TAGAP: variants seen among roughly 807,000 people sequenced by gnomAD.
The protein encoded by TAGAP is T-cell activation Rho GTPase-activating protein.
In TAGAP, 16 loss-of-function variants were observed where a neutral mutation model predicts 36.0. That is an observed-to-expected ratio of 0.44 (90% CI 0.30 to 0.68). The LOEUF is 0.68. Ranked by LOEUF, TAGAP falls within the 30% of genes least tolerant of loss-of-function variation. TAGAP has a pLI of 0.09. For synonymous variants in TAGAP, 372 were observed against 377.4 expected (o/e 0.99, Z 0.17); for missense variants, 794 against 921.5 (o/e 0.86, Z 1.79).
rs772988927 is a variant in TAGAP at position 159,039,069 on chromosome 6, G to C, written c.783+45C>G. 5.0e-6 allele frequency: 8 copies of C among 1,611,166 alleles called. No homozygotes were observed. In the African/African-American group the frequency reaches 8.0e-5, roughly 16 times the overall value. On this transcript the variant is annotated intron_variant, in intron 8 of 9. Coordinates refer to ENST00000367066, the MANE Select transcript of TAGAP (RefSeq NM_054114.5). ...ATTGCCTGGACTTGGCAAACAGATG[G>C]TGAGATCATAAGTTGGGGATTTCTC...
At chr6:159,043,769 G>T in intron 3 of TAGAP, 114 bp from the exon 4 acceptor site, 1 of 1,142,702 alleles carries the variant, frequency 8.8e-7, no homozygotes, top group Non-Finnish European at 1.3e-6. Flanking sequence ...TCAGTAGAGT[G>T]CATTGATGTT....
chr6:159,039,693 T>C (rs996374522), intron 7 of TAGAP, among the ~76,000 whole-genome samples: 2 of 152,244 alleles, frequency 1.3e-5, no homozygotes, highest in African/African-American at 4.8e-5. Context: ...ACGACTAGAC[T>C]GGTTTTCTTG....
Position 159,036,877 on chromosome 6 carries a change from T to C in TAGAP, c.1146A>G (p.Pro382=), listed in dbSNP as rs757605752. The change falls in exon 10 of 10, where the codon CCA becomes CCG. Residue 382 remains proline (P), a synonymous_variant. Transcript: ENST00000367066. This position sits in a 1 kb window ranked among gnomAD's most constrained non-coding sequence, Gnocchi z 4.9. ...GGCTCTCGAGGCACTCCTGGGAGGA[T>C]GGCATGCTGGGCTCTGAGTATCTCC... ...PDRRYSEPSM[P]SSQECLESRV... is the part of the protein sequence containing the mutation. 7 of 1,614,200 alleles carry C rather than the reference T, an allele frequency of 4.3e-6. No homozygotes were observed. Among genetic ancestry groups the C allele is most frequent in the Non-Finnish European group, 5.9e-6 (7 of 1,180,024 alleles).
At position 159,036,906 on chromosome 6, in the gene TAGAP, C is replaced by T. The variant is rs747602006; in HGVS notation, c.1117G>A (p.Asp373Asn). 8.7e-6 allele frequency: 14 copies of T among 1,614,022 alleles called. No individual in the cohort carries two copies. The highest frequency in any genetic ancestry group is 1.3e-5 in the African/African-American group (1 of 74,912). ...ATGCTGGGCTCTGAGTATCTCCTAT[C>T]GGGCTGTGCGAGGGAGCTTTTCAGC... ...ARLKSSLAQP[D>N]RRYSEPSMPS... The change falls in exon 10 of 10, where the codon GAT (aspartate) becomes AAT (asparagine). Residue 373 changes from aspartate to asparagine, a missense_variant. By Grantham distance (23) the Asp-to-Asn change is conservative (BLOSUM62 1). Coordinates refer to ENST00000367066, the MANE Select transcript of TAGAP (RefSeq NM_054114.5). This position sits in a 1 kb window ranked among gnomAD's most constrained non-coding sequence, Gnocchi z 4.9.
rs748068691 is a variant in TAGAP, at chr6:159,041,387, C to T, written c.444G>A (p.Arg148=). 6.2e-7 allele frequency: 1 copy of T among 1,614,068 alleles called. No individual in the cohort carries two copies. Residue 148 remains arginine (R), a synonymous_variant, in exon 6 of 10, where the codon AGG becomes AGA. Transcript: ENST00000367066. The surrounding 1 kb of genome is among the most constrained non-coding windows in gnomAD (Gnocchi z 4.1). ...LNSGDAVDLE[R]LPVHLLAVVF... ...CCACAGCGAGGAGGTGCACGGGGAG[C>T]CTCTCCAGATCCACCGCATCCCCAG...
intron 8 of TAGAP, among the ~76,000 whole-genome samples, chr6:159,038,641 C>T (rs1026489430): frequency 3.9e-5 from 6 of 152,056 alleles, no homozygotes; most frequent in African/African-American, 9.7e-5. Flanking sequence ...TCGCCTGCCT[C>T]GGCCTCCCAA....
Position 159,039,242 on chromosome 6 carries a change from T to G in TAGAP, c.655A>C (p.Ile219Leu). 1.2e-6 allele frequency: 2 copies of G among 1,614,152 alleles called. No individual in the cohort carries two copies. The highest frequency in any genetic ancestry group is 1.7e-6 in the Non-Finnish European group (2 of 1,180,016). Reference protein sequence around the residue: ...LKHLVYVLHLISKNSEVNRMD... With the variant: ...LKHLVYVLHLLSKNSEVNRMD... ...CTGTTCACCTCAGAGTTCTTGCTGA[T>G]GAGGTGCAGCACATAGACCAAGTGC... The change falls in exon 8 of 10, where the codon ATC (isoleucine) becomes CTC (leucine). Residue 219 changes from isoleucine to leucine, a missense_variant. Physicochemically the swap from Ile to Leu is conservative, Grantham distance 5 (BLOSUM62 2). Transcript: ENST00000367066.
chr6:159,041,455 C>T lies in TAGAP; in HGVS notation c.376G>A (p.Ala126Thr), dbSNP rs780953963. The T allele has an allele frequency of 6.2e-7, 1 of 1,614,210 alleles. No homozygotes were observed. Among genetic ancestry groups the T allele is most frequent in the Non-Finnish European group, 8.5e-7 (1 of 1,180,034 alleles). The change falls in exon 6 of 10, where the codon GCC becomes ACC. Residue 126 changes from alanine to threonine, a missense_variant. By Grantham distance (58) the Ala-to-Thr change is moderately conservative. Coordinates refer to ENST00000367066, the MANE Select transcript of TAGAP (RefSeq NM_054114.5). The surrounding 1 kb of genome is among the most constrained non-coding windows in gnomAD (Gnocchi z 4.1). The part of the protein sequence containing the change: ...PSTEGIFRRA[A>T]NEKARKELKE... ...AGCTCCTTACGGGCTTTCTCGTTGG[C>T]TGCTCTCCTGAATATCCCTTCCGTT...
chr6:159,038,014 A>T, intron 9 of TAGAP, 100 bp downstream of exon 9: 1 of 752,544 alleles, frequency 1.3e-6, no homozygotes, highest in Non-Finnish European at 2.3e-6. Context: ...TGATTTGTGA[A>T]GGTAACTTCT....
chr6:159,038,265 CTT>C (rs559846736), intron 8 of TAGAP, 37 bp from the exon 9 acceptor site: 25,262 of 451,068 alleles, frequency 0.056, no homozygotes, highest in Middle Eastern at 0.067. Flanking sequence ...AGCTTGAAGA[CTT>C]TTTTTTTTTT....
chr6:159,035,759 C>A lies in TAGAP; in HGVS notation c.*68G>T. 6.8e-7 allele frequency: 1 copy of A among 1,472,866 alleles called. No homozygotes were observed. The highest frequency in any genetic ancestry group is 9.1e-7 in the Non-Finnish European group (1 of 1,097,766). The allele number at this position is 1,472,866 out of a possible 1,614,324, so 91.2% of individuals were successfully genotyped here. A position where few individuals can be genotyped will look rare whatever the true frequency, so the allele number is the denominator to read the frequency against. On this transcript the variant is annotated 3_prime_UTR_variant, in exon 10 of 10. Transcript: ENST00000367066. ...TTCAAGACCTTTTAAAAACAATCTA[C>A]AGGCAGTTCTTTACAAGTCTCATAT... is the stretch of plus-strand genomic sequence containing the variant.
At chr6:159,044,827 A>G in intron 1 of TAGAP, 52 bp downstream of exon 1, 1 of 397,916 alleles carries the variant, frequency 2.5e-6, no homozygotes, top group Non-Finnish European at 4.4e-6. Flanking sequence ...GTGACCTGTG[A>G]CTTGCGAGGC....
chr6:159,035,950 G>T lies in TAGAP; in HGVS notation c.2073C>A (p.Leu691=). 6.2e-7 allele frequency: 1 copy of T among 1,614,184 alleles called. No individual in the cohort carries two copies. ...GHVSGPGRPE[L]LPLRTVSESV... ...ACTCGGAGACGGTCCTCAGCGGGAGGAGCTCAGGTCTCCCTGGGCCAGACA... is the reference window on the plus strand; with the variant it reads ...ACTCGGAGACGGTCCTCAGCGGGAGTAGCTCAGGTCTCCCTGGGCCAGACA... The change falls in exon 10 of 10, where the codon CTC becomes CTA. Residue 691 remains leucine, a synonymous_variant. Coordinates refer to ENST00000367066, the MANE Select transcript of TAGAP (RefSeq NM_054114.5).
rs1234235170 is a variant in TAGAP at position 159,044,182 on chromosome 6, C to T, written c.-36G>A. 2.5e-6 allele frequency: 4 copies of T among 1,607,866 alleles called. 1 individual carries two copies. The highest frequency in any genetic ancestry group is 2.2e-5 in the South Asian group (2 of 89,732). On this transcript the variant is annotated 5_prime_UTR_variant, in exon 2 of 10. In the 5' UTR this introduces an upstream ATG that the reference lacks. Coordinates refer to ENST00000367066, the MANE Select transcript of TAGAP (RefSeq NM_054114.5). ...GCTGACTGTCCAGGGGTGGATTTCACTCCCGTGTGGCTGTGCCTCTGTCTA... is the reference window on the plus strand; with the variant it reads ...GCTGACTGTCCAGGGGTGGATTTCATTCCCGTGTGGCTGTGCCTCTGTCTA...
At position 159,035,038 on chromosome 6, in the gene TAGAP, T is replaced by C. The variant is rs760704997; in HGVS notation, c.*789A>G. ...GGCAATTTATTGTAGTGAAATTACA[T>C]TGAAGTTTTATATATGACCCCCAAT... On this transcript the variant is annotated 3_prime_UTR_variant, in exon 10 of 10. Transcript: ENST00000367066. 3 of 152,362 alleles carry C rather than the reference T, an allele frequency of 2.0e-5. No homozygotes were observed. Among genetic ancestry groups the C allele is most frequent in the South Asian group, 2.1e-4 (1 of 4,830 alleles). The allele number at this position is 152,362 out of a possible 1,614,324, so 9.4% of individuals were successfully genotyped here.
At position 159,034,621 on chromosome 6, in the gene TAGAP, G is replaced by C. The variant is rs967802552; in HGVS notation, c.*1206C>G. The C allele has an allele frequency of 1.3e-5, 2 of 152,100 alleles. No homozygotes were observed. The highest frequency in any genetic ancestry group is 4.8e-5 in the African/African-American group (2 of 41,404). 9.4% of individuals were successfully genotyped at this position (152,100 alleles called of 1,614,324 possible). A position where few individuals can be genotyped will look rare whatever the true frequency, so the allele number is the denominator to read the frequency against. Reference sequence around the variant, plus strand: ...GTACAAACATTTTACCATTATGTTTGCCAATAATTAAGCAAACTGAGCATC... The same window carrying C: ...GTACAAACATTTTACCATTATGTTTCCCAATAATTAAGCAAACTGAGCATC... On this transcript the variant is annotated 3_prime_UTR_variant, in exon 10 of 10. Transcript: ENST00000367066.
intron 3 of TAGAP, 90 bp downstream of exon 3, chr6:159,043,888 T>C: frequency 8.2e-7 from 1 of 1,219,514 alleles, no homozygotes. Flanking sequence ...ACTCTTATAA[T>C]TACTATTCAA....
rs556454536 is a variant in TAGAP at position 159,044,187 on chromosome 6, G to A, written c.-41C>T. 12 of 1,605,756 alleles carry A rather than the reference G, an allele frequency of 7.5e-6. No individual in the cohort carries two copies. In the Middle Eastern group the frequency reaches 5.0e-4, roughly 67 times the overall value. The stretch of plus-strand genomic sequence containing the variant: ...CTGTCCAGGGGTGGATTTCACTCCC[G>A]TGTGGCTGTGCCTCTGTCTACAACG... On this transcript the variant is annotated 5_prime_UTR_variant, in exon 2 of 10. The change creates a new upstream start codon in the 5' untranslated region. Coordinates refer to ENST00000367066, the MANE Select transcript of TAGAP (RefSeq NM_054114.5).
intron 3 of TAGAP, 103 bp from the exon 4 acceptor site, chr6:159,043,758 G>T: frequency 8.2e-7 from 1 of 1,220,692 alleles, no homozygotes. Flanking sequence ...TAAAAATGAA[G>T]TCAGTAGAGT....
Sources: gnomAD v4.1 joint callset for allele counts (sites outside exome capture counted in the v4.1 genomes callset) on GRCh38, gnomAD v4.1.1 for gene constraint, Gnocchi (gnomAD v3.1) non-coding constraint, MANE v1.5 for transcripts, NCBI Gene and HGNC (gene_info 2026-07-23, HGNC 2026-07-21) for gene names.